The following KCNC1 variants were observed in gnomAD, a reference collection of about 807,000 sequenced individuals.
KCNC1 encodes the protein potassium voltage-gated channel subfamily C member 1.
KCNC1 carries 8 observed loss-of-function variants against 43.4 expected under a neutral mutation model. The observed-to-expected ratio is 0.18, with a 90% CI of 0.11 to 0.33. The LOEUF (loss-of-function observed/expected upper bound fraction) is 0.33, where lower values mean the gene tolerates loss of function less well. Ranked by LOEUF, KCNC1 falls within the 10% of genes least tolerant of loss-of-function variation. The pLI, the probability that KCNC1 is intolerant of heterozygous loss-of-function variation, is 1.00. For missense variants in KCNC1, 420 were observed against 836.0 expected (o/e 0.50, Z 6.14); for synonymous variants, 361 against 360.5 (o/e 1.00, Z -0.01).
At position 17,777,281 on chromosome 11, in the gene KCNC1, AG is replaced by A; in HGVS notation, c.1505-2174del. On this transcript the variant is annotated intron_variant, in intron 2 of 3. Coordinates refer to ENST00000265969, the MANE Select transcript of KCNC1 (RefSeq NM_001112741.2). This position sits in a 1 kb window ranked among gnomAD's most constrained non-coding sequence, Gnocchi z 4.3. The stretch of plus-strand genomic sequence containing the variant: ...CCTCTGACCCACCCCTCCCCAGGCA[AG>A]AACTGCAGGCTGTGGACACCTCCCC... 1 of 985,886 alleles carries A rather than the reference AG, an allele frequency of 1.0e-6. No homozygotes were observed. The highest frequency in any genetic ancestry group is 1.2e-6 in the Non-Finnish European group (1 of 829,992). The allele number at this position is 985,886 out of a possible 1,614,324, so 61.1% of individuals were successfully genotyped here.
chr11:17,740,916 C>T (rs1216686859), intron 1 of KCNC1, among the ~76,000 whole-genome samples: 4 of 152,154 alleles, frequency 2.6e-5, no homozygotes, highest in Non-Finnish European at 5.9e-5. Flanking sequence ...TTCTGTTCCT[C>T]CCTTGGGTCC....
chr11:17,778,324 C>G (rs1261066424), intron 2 of KCNC1, among the ~76,000 whole-genome samples: 1 of 152,216 alleles, frequency 6.6e-6, no homozygotes, highest in Non-Finnish European at 1.5e-5. Context: ...CCCAGACCTC[C>G]TCCCAGGCTT....
chr11:17,765,733 C>G (rs1849141930), intron 1 of KCNC1: 1 of 152,256 alleles, frequency 6.6e-6, no homozygotes, highest in African/African-American at 2.4e-5. Flanking sequence ...CCATGGCCAG[C>G]CTGGGTGACA....
rs1849298281 is a variant in KCNC1, at chr11:17,777,339, G to A, written c.1505-2117G>A. The A allele has an allele frequency of 2.0e-6, 2 of 985,824 alleles. No individual in the cohort carries two copies. The highest frequency in any genetic ancestry group is 5.2e-4 in the Middle Eastern group (1 of 1,918). 61.1% of individuals were successfully genotyped at this position (985,824 alleles called of 1,614,324 possible). A position where few individuals can be genotyped will look rare whatever the true frequency, so the allele number is the denominator to read the frequency against. On this transcript the variant is annotated intron_variant, in intron 2 of 3. Transcript: ENST00000265969. The surrounding 1 kb of genome is among the most constrained non-coding windows in gnomAD (Gnocchi z 4.3). ...AGGATGGCCAACAGAGACTCAGCAA[G>A]TCCTCACTCCCCTCCCAGAAGGAGA... is the stretch of plus-strand genomic sequence containing the variant.
In KCNC1 at chr11:17,781,178, G is replaced by A. The variant is rs1485472049; in HGVS notation, c.1694-492G>A. The stretch of plus-strand genomic sequence containing the variant: ...GACAAGACAGTCTCTTTACTGTGGT[G>A]CCAGAAGCACAGAAGGGAGTGTGGG... On this transcript the variant is annotated intron_variant, in intron 3 of 3. Transcript: ENST00000265969. This position sits in a 1 kb window ranked among gnomAD's most constrained non-coding sequence, Gnocchi z 5.1. The A allele has an allele frequency of 6.5e-6, 1 of 153,278 alleles. No individual in the cohort carries two copies. The highest frequency in any genetic ancestry group is 1.5e-5 in the Non-Finnish European group (1 of 68,792). The allele number at this position is 153,278 out of a possible 1,614,324, so 9.5% of individuals were successfully genotyped here.
intron 1 of KCNC1, among the ~76,000 whole-genome samples, chr11:17,761,436 A>G (rs539230265): frequency 2.1e-4 from 32 of 152,372 alleles, no homozygotes; most frequent in African/African-American, 7.7e-4. Context: ...CAAGGGAGCC[A>G]GCAGTCTTGG....
Position 17,774,944 on chromosome 11 carries a change from G to A in KCNC1, c.1504+2346G>A, listed in dbSNP as rs547912471. 1.4e-4 allele frequency: 140 copies of A among 985,364 alleles called. No homozygotes were observed. The African/African-American group carries it at 2.3e-3, about 16-fold the overall frequency. 61.0% of individuals were successfully genotyped at this position (985,364 alleles called of 1,614,324 possible). A position where few individuals can be genotyped will look rare whatever the true frequency, so the allele number is the denominator to read the frequency against. On this transcript the variant is annotated intron_variant, in intron 2 of 3. Coordinates refer to ENST00000265969, the MANE Select transcript of KCNC1 (RefSeq NM_001112741.2). Reference sequence around the variant, plus strand: ...CTGGCGTGTGAGACCCCGGCTATCCGCCACCAAGAGGAGTTGCGGTCTTTA... The same window carrying A: ...CTGGCGTGTGAGACCCCGGCTATCCACCACCAAGAGGAGTTGCGGTCTTTA...
At chr11:17,740,639 C>T (rs1009235210) in intron 1 of KCNC1, among the ~76,000 whole-genome samples, 13 of 152,116 alleles carry the variant, frequency 8.5e-5, no homozygotes, top group Non-Finnish European at 8.8e-5. Flanking sequence ...GCCAGAGTGT[C>T]CTGTGTGTGT....
chr11:17,776,085 G>T lies in KCNC1; in HGVS notation c.1505-3371G>T. Reference sequence around the variant, plus strand: ...GTCAGCAGCCTGTGGGCCCTGAGTGGGGTCTTTGTTGTCCTCAGGTGGGCT... The same window carrying T: ...GTCAGCAGCCTGTGGGCCCTGAGTGTGGTCTTTGTTGTCCTCAGGTGGGCT... On this transcript the variant is annotated intron_variant, in intron 2 of 3. Coordinates refer to ENST00000265969, the MANE Select transcript of KCNC1 (RefSeq NM_001112741.2). The surrounding 1 kb of genome is among the most constrained non-coding windows in gnomAD (Gnocchi z 4.4). The T allele has an allele frequency of 1.0e-6, 1 of 985,434 alleles. No homozygotes were observed. Among genetic ancestry groups the T allele is most frequent in the Non-Finnish European group, 1.2e-6 (1 of 829,972 alleles). 61.0% of individuals were successfully genotyped at this position (985,434 alleles called of 1,614,324 possible).
At position 17,771,598 on chromosome 11, in the gene KCNC1, C is replaced by T. The variant is rs1849229675; in HGVS notation, c.571-67C>T. The T allele has an allele frequency of 2.1e-6, 3 of 1,439,536 alleles. No homozygotes were observed. 89.2% of individuals were successfully genotyped at this position (1,439,536 alleles called of 1,614,324 possible). On this transcript the variant is annotated intron_variant, in intron 1 of 3. Transcript: ENST00000265969. This position sits in a 1 kb window ranked among gnomAD's most constrained non-coding sequence, Gnocchi z 4.7. ...CCCCCCGCCTGGCCCTGGGACTGGA[C>T]AGAGGCAACCCAGGCTTCTCCACTC... is the stretch of plus-strand genomic sequence containing the variant.
chr11:17,777,571 G>A lies in KCNC1; in HGVS notation c.1505-1885G>A, dbSNP rs1849300430. The A allele has an allele frequency of 4.1e-6, 4 of 985,820 alleles. No individual in the cohort carries two copies. The highest frequency in any genetic ancestry group is 1.7e-5 in the African/African-American group (1 of 57,364). 61.1% of individuals were successfully genotyped at this position (985,820 alleles called of 1,614,324 possible). A position where few individuals can be genotyped will look rare whatever the true frequency, so the allele number is the denominator to read the frequency against. Reference sequence around the variant, plus strand: ...AGGACCAGCGTGTCTGCGAGCACACGTGTGTGCCTGCAGACATGCCCCAAG... The same window carrying A: ...AGGACCAGCGTGTCTGCGAGCACACATGTGTGCCTGCAGACATGCCCCAAG... On this transcript the variant is annotated intron_variant, in intron 2 of 3. Transcript: ENST00000265969. The surrounding 1 kb of genome is among the most constrained non-coding windows in gnomAD (Gnocchi z 4.3).
Position 17,739,595 on chromosome 11 carries a change from C to T in KCNC1, c.570+3023C>T, listed in dbSNP as rs571796818. On this transcript the variant is annotated intron_variant, in intron 1 of 3. Transcript: ENST00000265969. The surrounding 1 kb of genome is among the most constrained non-coding windows in gnomAD (Gnocchi z 4.2). ...TGAGGTTTGGAGAGTGCGTGAGAGT[C>T]GAGGTGAGTGTGTCTGCGTGAGTGT... Among the ~76,000 whole-genome samples the T allele has an allele frequency of 6.7e-6, 1 of 149,822 alleles. No individual in the cohort carries two copies. Among genetic ancestry groups the T allele is most frequent in the Non-Finnish European group, 1.5e-5 (1 of 67,696 alleles).
chr11:17,775,550 G>A lies in KCNC1; in HGVS notation c.1504+2952G>A. 4.1e-6 allele frequency: 4 copies of A among 985,504 alleles called. No homozygotes were observed. The South Asian group carries it at 1.9e-4, about 46-fold the overall frequency. 61.0% of individuals were successfully genotyped at this position (985,504 alleles called of 1,614,324 possible). A position where few individuals can be genotyped will look rare whatever the true frequency, so the allele number is the denominator to read the frequency against. On this transcript the variant is annotated intron_variant, in intron 2 of 3. Coordinates refer to ENST00000265969, the MANE Select transcript of KCNC1 (RefSeq NM_001112741.2). ...AGCCAGGGATTGCCTAGGGCTGAGG[G>A]GCCCAGGAGAAGCTACTTCTCTCCC...
At chr11:17,757,247 C>G (rs1849033045) in intron 1 of KCNC1, among the ~76,000 whole-genome samples, 1 of 152,164 alleles carries the variant, frequency 6.6e-6, no homozygotes, top group Admixed American at 6.5e-5. Flanking sequence ...AAAGCAGACT[C>G]TGAAGCAGGT....
At position 17,772,066 on chromosome 11, in the gene KCNC1, G is replaced by A. The variant is rs761337620; in HGVS notation, c.972G>A (p.Leu324=). The A allele has an allele frequency of 2.5e-5, 41 of 1,608,926 alleles. No homozygotes were observed. The highest frequency in any genetic ancestry group is 3.4e-5 in the Non-Finnish European group (40 of 1,178,440). ...TGCGCATCTTGCGCATCTTTAAGCTGACCCGCCACTTTGTGGGCCTGCGGG... is the reference window on the plus strand; with the variant it reads ...TGCGCATCTTGCGCATCTTTAAGCTAACCCGCCACTTTGTGGGCCTGCGGG... The part of the protein sequence containing the change: ...RFVRILRIFK[L]TRHFVGLRVL... Residue 324 remains leucine, a synonymous_variant, in exon 2 of 4, where the codon CTG becomes CTA. Coordinates refer to ENST00000265969, the MANE Select transcript of KCNC1 (RefSeq NM_001112741.2).
chr11:17,775,671 ATG>A (rs1229148132), intron 2 of KCNC1: 2 of 985,568 alleles, frequency 2.0e-6, no homozygotes. Flanking sequence ...GCCCATTCGC[ATG>A]TGTCTTGTCC....
chr11:17,762,547 G>A (rs1849090122), intron 1 of KCNC1, among the ~76,000 whole-genome samples: 1 of 152,204 alleles, frequency 6.6e-6, no homozygotes, highest in Non-Finnish European at 1.5e-5. Context: ...AAAAGCAGGC[G>A]GGTGTGACGT....
At chr11:17,774,277 G>A (rs1849262010) in intron 2 of KCNC1, 4 of 985,386 alleles carry the variant, frequency 4.1e-6, no homozygotes, top group South Asian at 4.7e-5. Context: ...GGAGGAACGC[G>A]TGGGCTGGCC....
In KCNC1 at chr11:17,779,353, G is replaced by A. The variant is rs956070461; in HGVS notation, c.1505-103G>A. ...TGCCCGCTTTTCCGTCCTCAGGGAC[G>A]CTCAAGCTGCCCTCTGCCAATACCC... On this transcript the variant is annotated intron_variant, in intron 2 of 3. Coordinates refer to ENST00000265969, the MANE Select transcript of KCNC1 (RefSeq NM_001112741.2). This position sits in a 1 kb window ranked among gnomAD's most constrained non-coding sequence, Gnocchi z 7.2. 63 of 959,862 alleles carry A rather than the reference G, an allele frequency of 6.6e-5. 1 individual carries two copies. The South Asian group carries it at 7.7e-4, about 12-fold the overall frequency. 59.5% of individuals were successfully genotyped at this position (959,862 alleles called of 1,614,324 possible). A position where few individuals can be genotyped will look rare whatever the true frequency, so the allele number is the denominator to read the frequency against.
Sources: gnomAD v4.1 joint callset for allele counts (sites outside exome capture counted in the v4.1 genomes callset) on GRCh38, gnomAD v4.1.1 for gene constraint, Gnocchi (gnomAD v3.1) non-coding constraint, MANE v1.5 for transcripts, NCBI Gene and HGNC (gene_info 2026-07-23, HGNC 2026-07-21) for gene names.